Variants in LNX1 observed in about 807,000 individuals in gnomAD.
LNX1 encodes ligand of numb-protein X 1, also known as E3 ubiquitin-protein ligase LNX.
In LNX1, 54 loss-of-function variants were observed where a neutral mutation model predicts 68.4. The observed-to-expected ratio is 0.79, with a 90% CI of 0.63 to 0.99. The LOEUF (loss-of-function observed/expected upper bound fraction) is 0.99. Ranked by LOEUF, LNX1 falls within the 50% of genes least tolerant of loss-of-function variation. The pLI, the probability that LNX1 is intolerant of heterozygous loss-of-function variation, is 0.00. For missense variants in LNX1, 906 were observed against 926.4 expected, an observed-to-expected ratio of 0.98 and a Z score of 0.29; for synonymous variants, 336 against 350.0, an observed-to-expected ratio of 0.96 and a Z score of 0.45.
chr4:53,475,876 G>C (rs1396818727), intron 9 of LNX1, among the ~76,000 whole-genome samples: 1 of 152,170 alleles, frequency 6.6e-6, no homozygotes, highest in Non-Finnish European at 1.5e-5. Context: ...TTTTACACAA[G>C]AACTCCTCAG....
intron 2 of LNX1, among the ~76,000 whole-genome samples, chr4:53,568,913 T>C (rs1335611502): frequency 6.6e-6 from 1 of 151,970 alleles, no homozygotes; most frequent in African/African-American, 2.4e-5. Flanking sequence ...CCATTCACAA[T>C]TGCTTCAAAG....
chr4:53,534,456 G>A lies in LNX1; in HGVS notation c.381-26229C>T, dbSNP rs971706959. ...GATCCAGAGCAGCCTGGGCAACATAGCAAGACCTTGTCTCTAAAAAGAAAA... is the reference window on the plus strand; with the variant it reads ...GATCCAGAGCAGCCTGGGCAACATAACAAGACCTTGTCTCTAAAAAGAAAA... On this transcript the variant is annotated intron_variant, in intron 2 of 10. Coordinates refer to ENST00000263925, the MANE Select transcript of LNX1 (RefSeq NM_001126328.3). 3.0e-4 allele frequency among the ~76,000 whole-genome samples: 46 copies of A among 152,080 alleles called. 1 individual carries two copies. The highest frequency in any genetic ancestry group is 1.1e-3 in the African/African-American group (45 of 41,400).
At chr4:53,593,139 G>T (rs1183668051), upstream of LNX1, 1 of 152,234 alleles carries the variant, frequency 6.6e-6, no homozygotes, top group Non-Finnish European at 1.5e-5. Flanking sequence ...TTTACACTCA[G>T]GTGTTTCAGG....
chr4:53,464,166 C>T (rs1427282517), intron 9 of LNX1, among the ~76,000 whole-genome samples: 3 of 152,052 alleles, frequency 2.0e-5, no homozygotes, highest in African/African-American at 7.2e-5. Flanking sequence ...CAAAATGTTG[C>T]TTTATTATTT....
At chr4:53,591,533 G>T, upstream of LNX1, 22 of 985,566 alleles carry the variant, frequency 2.2e-5, no homozygotes, top group Non-Finnish European at 2.2e-5. Context: ...AAGGAGGACG[G>T]CATTGGTCGC....
At chr4:53,584,004 G>A (rs796782959) in intron 1 of LNX1, among the ~76,000 whole-genome samples, 14 of 152,218 alleles carry the variant, frequency 9.2e-5, no homozygotes, top group African/African-American at 3.1e-4. Flanking sequence ...TTTTTGCATT[G>A]ATTCGGAGCT....
At chr4:53,521,836 TG>T (rs1457222439) in intron 2 of LNX1, among the ~76,000 whole-genome samples, 3 of 152,180 alleles carry the variant, frequency 2.0e-5, no homozygotes, top group Non-Finnish European at 4.4e-5. Context: ...TGGATTCCTC[TG>T]ACCCCAGGCT....
At chr4:53,585,513 C>T (rs796840737) in intron 1 of LNX1, among the ~76,000 whole-genome samples, 7 of 152,222 alleles carry the variant, frequency 4.6e-5, no homozygotes, top group East Asian at 1.9e-4. Context: ...TACAGGAAAA[C>T]GATCTAAGAA....
chr4:53,543,140 A>C (rs1323362601), intron 2 of LNX1, among the ~76,000 whole-genome samples: 1 of 152,172 alleles, frequency 6.6e-6, no homozygotes, highest in Non-Finnish European at 1.5e-5. Context: ...TAATTACAGA[A>C]ACGAGCCACC....
At chr4:53,549,540 A>G (rs1729356752) in intron 2 of LNX1, 1 of 136,264 alleles carries the variant, frequency 7.3e-6, no homozygotes, top group South Asian at 2.3e-4. Flanking sequence ...CACAAACTAG[A>G]TATTTGTTAT....
At chr4:53,469,178 T>A (rs1275641494) in intron 9 of LNX1, among the ~76,000 whole-genome samples, 3 of 152,176 alleles carry the variant, frequency 2.0e-5, no homozygotes, top group African/African-American at 7.2e-5. Context: ...AACTCAGGAT[T>A]AAGAAACTCA....
chr4:53,531,445 G>A (rs1728018017), intron 2 of LNX1, among the ~76,000 whole-genome samples: 2 of 152,164 alleles, frequency 1.3e-5, no homozygotes, highest in African/African-American at 2.4e-5. Context: ...CTTGAAATTC[G>A]ATGGCTCAGC....
chr4:53,508,337 G>A (rs1726077436), intron 2 of LNX1, 110 bp from the exon 3 acceptor site: 2 of 1,384,186 alleles, frequency 1.4e-6, no homozygotes, highest in African/African-American at 2.9e-5. Context: ...TGTTGAACTT[G>A]GAATTTGATT....
intron 1 of LNX1, chr4:53,652,025 G>GAGAGAGAGAGAT (rs1735120389): frequency 5.7e-5 from 3 of 52,634 alleles, no homozygotes; most frequent in Admixed American, 1.6e-4. Context: ...GTGTGTGAGA[G>GAGAGAGAGAGAT]AGAGAGAGAG....
intron 9 of LNX1, among the ~76,000 whole-genome samples, chr4:53,466,514 G>A (rs143771450): frequency 1.2e-4 from 18 of 152,274 alleles, no homozygotes; most frequent in Admixed American, 2.0e-4. Context: ...GCAGCACACC[G>A]AGCACGAGCC....
chr4:53,610,580 C>T (rs1008239049), intron 2 of LNX1, among the ~76,000 whole-genome samples: 1 of 151,834 alleles, frequency 6.6e-6, no homozygotes, highest in Admixed American at 6.6e-5. Context: ...TGGTGGTGGG[C>T]ACCTGTAGTC....
chr4:53,644,980 A>C (rs1734829011), intron 1 of LNX1, among the ~76,000 whole-genome samples: 1 of 152,146 alleles, frequency 6.6e-6, no homozygotes, highest in Non-Finnish European at 1.5e-5. Flanking sequence ...CAGCCCTGAG[A>C]CCTAACTCCT....
intron 2 of LNX1, among the ~76,000 whole-genome samples, chr4:53,605,299 C>T (rs1733183947): frequency 2.0e-5 from 3 of 152,084 alleles, no homozygotes; most frequent in African/African-American, 4.8e-5. Context: ...AGTGTGTTAT[C>T]GTCTTTAAAC....
chr4:53,648,591 C>T (rs188929299), intron 1 of LNX1, among the ~76,000 whole-genome samples: 50 of 152,208 alleles, frequency 3.3e-4, no homozygotes, highest in Admixed American at 6.5e-4. Context: ...CTTTGGTGCC[C>T]AGACATTTTT....
Sources: allele counts gnomAD v4.1 joint callset (sites outside exome capture counted in the v4.1 genomes callset), GRCh38; gene constraint gnomAD v4.1.1; transcripts MANE v1.5; gene names NCBI Gene and HGNC (gene_info 2026-07-23, HGNC 2026-07-21).